The following PCCA variants were observed in gnomAD, a reference collection of about 807,000 sequenced individuals.
PCCA encodes propionyl-CoA carboxylase subunit alpha.
A neutral mutation model predicts 101.3 loss-of-function variants in PCCA; 74 were observed. The ratio of observed to expected loss-of-function variants is 0.73; its 90% confidence interval spans 0.61 to 0.89. The LOEUF (loss-of-function observed/expected upper bound fraction) is 0.89, where lower values mean the gene tolerates loss of function less well. PCCA is among the 40% of genes least tolerant of loss of function. PCCA has a pLI of 0.00. For synonymous variants in PCCA, 294 were observed against 313.6 expected, an observed-to-expected ratio of 0.94 and a Z score of 0.66; for missense variants, 891 against 907.0, an observed-to-expected ratio of 0.98 and a Z score of 0.23.
intron 23 of PCCA, 93 bp downstream of exon 23, chr13:100,527,845 A>G (rs965492340): frequency 6.8e-5 from 63 of 924,056 alleles, no homozygotes; most frequent in South Asian, 4.8e-4. Flanking sequence ...AAAGGGCCAC[A>G]GAGGCGCCCT....
chr13:100,292,701 T>C (rs1446253841), intron 12 of PCCA, among the ~76,000 whole-genome samples: 1 of 152,236 alleles, frequency 6.6e-6, no homozygotes, highest in East Asian at 1.9e-4. Context: ...CTCATTCTTT[T>C]GTCAGTTAAC....
chr13:100,214,427 G>T (rs945839173), intron 7 of PCCA, among the ~76,000 whole-genome samples: 1 of 151,184 alleles, frequency 6.6e-6, no homozygotes, highest in Non-Finnish European at 1.5e-5. Flanking sequence ...GTGTGTGTGT[G>T]TGTGTGTTTT....
intron 12 of PCCA, among the ~76,000 whole-genome samples, chr13:100,298,555 T>C (rs2065745003): frequency 6.6e-6 from 1 of 151,554 alleles, no homozygotes; most frequent in Non-Finnish European, 1.5e-5. Flanking sequence ...TTTGTTTTTT[T>C]ATTTTTATAA....
chr13:100,296,029 T>C (rs1373561464), intron 12 of PCCA, among the ~76,000 whole-genome samples: 2 of 152,142 alleles, frequency 1.3e-5, no homozygotes, highest in Non-Finnish European at 2.9e-5. Flanking sequence ...TAGAAATTAT[T>C]AGGTAAATAT....
chr13:100,511,206 T>G (rs1385453240), intron 21 of PCCA, among the ~76,000 whole-genome samples: 2 of 152,248 alleles, frequency 1.3e-5, no homozygotes, highest in Non-Finnish European at 2.9e-5. Flanking sequence ...TCTCTGCTTT[T>G]CAGCCACGCC....
At chr13:100,101,499 C>CT (rs2047275243) in intron 1 of PCCA, among the ~76,000 whole-genome samples, 1 of 152,092 alleles carries the variant, frequency 6.6e-6, no homozygotes, top group African/African-American at 2.4e-5. Context: ...CCTTCTTGTT[C>CT]TTGGTCTTTT....
chr13:100,277,097 T>C (rs2063720385), intron 12 of PCCA, among the ~76,000 whole-genome samples: 1 of 152,148 alleles, frequency 6.6e-6, no homozygotes, highest in South Asian at 2.1e-4. Flanking sequence ...AAGCTCAAAG[T>C]GTAAGGCTCC....
chr13:100,459,023 G>A (rs1051152129), intron 21 of PCCA, among the ~76,000 whole-genome samples: 24 of 152,138 alleles, frequency 1.6e-4, no homozygotes, highest in African/African-American at 5.8e-4. Flanking sequence ...CTTAGGGAGG[G>A]TCTGTTCTGT....
chr13:100,526,255 C>G (rs3783184), intron 22 of PCCA, among the ~76,000 whole-genome samples: 30,991 of 152,220 alleles, frequency 0.2, 3,187 homozygotes, highest in Middle Eastern at 0.26. Flanking sequence ...AAACAGCCCT[C>G]GAGGCTGATT....
intron 21 of PCCA, among the ~76,000 whole-genome samples, chr13:100,503,947 G>A (rs12855571): frequency 0.23 from 35,712 of 152,074 alleles, 5,041 homozygotes; most frequent in East Asian, 0.55. Context: ...CAGGCTAAAT[G>A]TATTTGTAGT....
intron 10 of PCCA, among the ~76,000 whole-genome samples, chr13:100,265,183 G>A (rs992460678): frequency 6.6e-6 from 1 of 152,122 alleles, no homozygotes; most frequent in Non-Finnish European, 1.5e-5. Context: ...CAGAAGTTCT[G>A]AATTATAGTG....
intron 20 of PCCA, among the ~76,000 whole-genome samples, chr13:100,447,874 G>A (rs555936527): frequency 2.0e-5 from 3 of 152,172 alleles, no homozygotes; most frequent in Non-Finnish European, 2.9e-5. Flanking sequence ...TCAAGGAACC[G>A]AGGACTCAGC....
At chr13:100,369,427 G>A (rs1468718304) in intron 19 of PCCA, among the ~76,000 whole-genome samples, 2 of 152,050 alleles carry the variant, frequency 1.3e-5, no homozygotes, top group Non-Finnish European at 2.9e-5. Flanking sequence ...AGAGGGGTAC[G>A]GCAGTTTCTT....
intron 2 of PCCA, among the ~76,000 whole-genome samples, chr13:100,105,418 A>G (rs1195380887): frequency 6.6e-6 from 1 of 152,184 alleles, no homozygotes; most frequent in Non-Finnish European, 1.5e-5. Context: ...TCTTAAGAGT[A>G]ATTAACTAAC....
At chr13:100,395,194 C>T (rs1164533432) in intron 19 of PCCA, among the ~76,000 whole-genome samples, 1 of 152,218 alleles carries the variant, frequency 6.6e-6, no homozygotes, top group Non-Finnish European at 1.5e-5. Context: ...CCCAAAGCCA[C>T]AGATCACACT....
intron 7 of PCCA, among the ~76,000 whole-genome samples, chr13:100,215,347 CTG>C (rs2059451400): frequency 6.6e-6 from 1 of 152,306 alleles, no homozygotes; most frequent in East Asian, 1.9e-4. Context: ...ACAAAAGAGA[CTG>C]AACATATTTT....
intron 7 of PCCA, among the ~76,000 whole-genome samples, chr13:100,227,868 A>AT (rs1387919994): frequency 2.0e-5 from 3 of 152,078 alleles, no homozygotes; most frequent in African/African-American, 7.2e-5. Context: ...CACATTTTTA[A>AT]TTTTTTTGTG....
chr13:100,416,210 AC>A (rs1019545608), intron 19 of PCCA, among the ~76,000 whole-genome samples: 1 of 149,942 alleles, frequency 6.7e-6, no homozygotes, highest in African/African-American at 2.5e-5. Flanking sequence ...TTTTTCTGAG[AC>A]GGAGTCTCGC....
chr13:100,348,692 T>C (rs1442259359), intron 18 of PCCA, among the ~76,000 whole-genome samples: 1 of 152,070 alleles, frequency 6.6e-6, no homozygotes, highest in Non-Finnish European at 1.5e-5. Context: ...GGATTCAGCT[T>C]TCTTGAGAAT....
Sources: gnomAD v4.1 joint callset for allele counts (sites outside exome capture counted in the v4.1 genomes callset) on GRCh38, gnomAD v4.1.1 for gene constraint, MANE v1.5 for transcripts, NCBI Gene and HGNC (gene_info 2026-07-23, HGNC 2026-07-21) for gene names.